Variants in POR observed in about 807,000 individuals in gnomAD.
The protein encoded by POR is NADPH--cytochrome P450 reductase.
A neutral mutation model predicts 84.0 loss-of-function variants in POR; 56 were observed. The observed-to-expected ratio is 0.67, with a 90% CI of 0.54 to 0.83. The LOEUF (loss-of-function observed/expected upper bound fraction) is 0.83, where lower values mean the gene tolerates loss of function less well. Ranked by LOEUF, POR falls within the 40% of genes least tolerant of loss-of-function variation. POR has a pLI of 0.00. For missense variants in POR, 938 were observed against 944.3 expected (o/e 0.99, Z 0.09); for synonymous variants, 414 against 400.5 (o/e 1.03, Z -0.40).
intron 2 of POR, among the ~76,000 whole-genome samples, chr7:75,966,804 T>C (rs1788204768): frequency 6.6e-6 from 1 of 152,156 alleles, no homozygotes; most frequent in African/African-American, 2.4e-5. Flanking sequence ...CGCAGTGGAC[T>C]ACAGCTGACT....
chr7:75,978,317 T>C (rs1038799086), intron 3 of POR, among the ~76,000 whole-genome samples: 5 of 152,226 alleles, frequency 3.3e-5, no homozygotes, highest in African/African-American at 1.2e-4. Context: ...AAAAATGGAT[T>C]GTTGTGTCTG....
chr7:75,981,722 T>C (rs953448614), intron 7 of POR, 116 bp downstream of exon 7: 7 of 862,906 alleles, frequency 8.1e-6, no homozygotes, highest in Admixed American at 2.5e-5. Context: ...CACTCCGTCA[T>C]AGGGTCGAGG....
chr7:75,927,616 A>G, intron 1 of POR, among the ~76,000 whole-genome samples: 1 of 151,974 alleles, frequency 6.6e-6, no homozygotes, highest in East Asian at 1.9e-4. Context: ...AGTGAAAACC[A>G]CTGAATTTTA....
intron 1 of POR, among the ~76,000 whole-genome samples, chr7:75,938,580 A>C (rs928597216): frequency 4.5e-4 from 68 of 152,154 alleles, no homozygotes; most frequent in African/African-American, 1.6e-3. Context: ...CAACTTAGTG[A>C]GACCCCATCT....
intron 1 of POR, among the ~76,000 whole-genome samples, chr7:75,939,494 A>C (rs1176570383): frequency 6.6e-6 from 1 of 151,096 alleles, no homozygotes; most frequent in Non-Finnish European, 1.5e-5. Flanking sequence ...TGGATTTCAC[A>C]AAGTCTGTGA....
Position 75,969,808 on chromosome 7 carries a change from C to T in POR, c.189-2605C>T, listed in dbSNP as rs1283067251. On this transcript the variant is annotated intron_variant, in intron 2 of 15. Transcript: ENST00000461988. ...TAGGAGGAGACACGGCGTCCTGTGC[C>T]GTGTGCTAGGCGTCGCGCTCATGGC... Among the ~76,000 whole-genome samples, 6 of 152,192 alleles carry T rather than the reference C, an allele frequency of 3.9e-5. No individual in the cohort carries two copies. In the South Asian group the frequency reaches 1.0e-3, roughly 26 times the overall value.
intron 1 of POR, among the ~76,000 whole-genome samples, chr7:75,935,619 T>TGTGTGTGTG (rs1807632596): frequency 6.9e-5 from 9 of 131,384 alleles, no homozygotes; most frequent in Non-Finnish European, 9.9e-5. Context: ...TGCTCGGGGC[T>TGTGTGTGTG]TGTGTGTGTG....
intron 1 of POR, among the ~76,000 whole-genome samples, chr7:75,953,206 G>A (rs1787529273): frequency 6.6e-6 from 1 of 151,658 alleles, no homozygotes; most frequent in Non-Finnish European, 1.5e-5. Context: ...GCAATCGCAG[G>A]CACTCGGCAG....
intron 1 of POR, among the ~76,000 whole-genome samples, chr7:75,941,321 T>C (rs1227764732): frequency 6.6e-6 from 1 of 152,198 alleles, no homozygotes; most frequent in Non-Finnish European, 1.5e-5. Context: ...GTGCGTGGAC[T>C]CGAGACAGCA....
rs1477510993 is a variant in POR at position 75,937,003 on chromosome 7, A to G, written c.-4-16986A>G. Among the ~76,000 whole-genome samples the G allele has an allele frequency of 7.0e-4, 105 of 150,060 alleles. 1 individual carries two copies. Among genetic ancestry groups the G allele is most frequent in the African/African-American group, 1.2e-3 (50 of 40,824 alleles). On this transcript the variant is annotated intron_variant, in intron 1 of 15. Coordinates refer to ENST00000461988, the MANE Select transcript of POR (RefSeq NM_000941.3). ...CACCACACCCGGCTAATTTTTTTGT[A>G]TTTTTAGTAGAGACGGGGTTTCACC...
chr7:75,948,887 AG>A (rs1787295981), intron 1 of POR, among the ~76,000 whole-genome samples: 1 of 152,112 alleles, frequency 6.6e-6, no homozygotes, highest in African/African-American at 2.4e-5. Context: ...GATTGTGGCC[AG>A]GGGGCAGTTG....
At chr7:75,963,945 A>C (rs1563419755) in intron 2 of POR, among the ~76,000 whole-genome samples, 1 of 152,078 alleles carries the variant, frequency 6.6e-6, no homozygotes, top group Non-Finnish European at 1.5e-5. Context: ...ATTGAGGTAT[A>C]AATGACAAAA....
chr7:75,926,779 C>T (rs1807153378), intron 1 of POR, among the ~76,000 whole-genome samples: 1 of 152,066 alleles, frequency 6.6e-6, no homozygotes, highest in Non-Finnish European at 1.5e-5. Context: ...GCCTGGGCAA[C>T]AAGAGCGAAA....
At chr7:75,959,018 G>A (rs369117328) in intron 2 of POR, among the ~76,000 whole-genome samples, 8 of 152,204 alleles carry the variant, frequency 5.3e-5, no homozygotes, top group East Asian at 1.9e-4. Flanking sequence ...TCATGTTGAC[G>A]CTCAAAAAGT....
At chr7:75,964,231 C>T (rs1788070052) in intron 2 of POR, among the ~76,000 whole-genome samples, 1 of 151,930 alleles carries the variant, frequency 6.6e-6, no homozygotes, top group Non-Finnish European at 1.5e-5. Flanking sequence ...AACTCCTGAC[C>T]TCAAGTGATC....
chr7:75,963,894 T>C (rs1430049161), intron 2 of POR, among the ~76,000 whole-genome samples: 2 of 152,152 alleles, frequency 1.3e-5, no homozygotes, highest in African/African-American at 4.8e-5. Context: ...TTAGAGGGCC[T>C]TGGGACCTTC....
At chr7:75,972,941 G>A (rs988724606) in intron 3 of POR, among the ~76,000 whole-genome samples, 2 of 152,046 alleles carry the variant, frequency 1.3e-5, no homozygotes, top group African/African-American at 4.8e-5. Flanking sequence ...TCGTGCCTCA[G>A]CCTCCCGAGT....
At chr7:75,960,336 T>C (rs1787883947) in intron 2 of POR, among the ~76,000 whole-genome samples, 1 of 151,662 alleles carries the variant, frequency 6.6e-6, no homozygotes, top group Admixed American at 6.6e-5. Flanking sequence ...TAATGACTCT[T>C]TCACGTCCAC....
intron 1 of POR, among the ~76,000 whole-genome samples, chr7:75,928,217 C>T (rs553670335): frequency 8.5e-5 from 13 of 152,278 alleles, no homozygotes; most frequent in Admixed American, 2.6e-4. Flanking sequence ...GATCCACCCG[C>T]CTCGGCCTCT....
Sources: allele counts gnomAD v4.1 joint callset (sites outside exome capture counted in the v4.1 genomes callset), GRCh38; gene constraint gnomAD v4.1.1; transcripts MANE v1.5; gene names NCBI Gene and HGNC (gene_info 2026-07-23, HGNC 2026-07-21).